CSMD1: variants seen among roughly 807,000 people sequenced by gnomAD.
The protein encoded by CSMD1 is CUB and Sushi multiple domains 1.
A neutral mutation model predicts 417.5 loss-of-function variants in CSMD1; 213 were observed. That is an observed-to-expected ratio of 0.51 (90% confidence interval 0.46 to 0.57). CSMD1 has a LOEUF of 0.57. Ranked by LOEUF, CSMD1 falls within the 20% of genes least tolerant of loss-of-function variation. CSMD1 has a pLI of 0.00. For missense variants in CSMD1, 6,923 were observed against 4,529.7 expected, an observed-to-expected ratio of 1.53 and a Z score of -15.17; for synonymous variants, 2,862 against 1,736.8, an observed-to-expected ratio of 1.65 and a Z score of -16.11.
intron 25 of CSMD1, among the ~76,000 whole-genome samples, chr8:3,296,620 G>T (rs984959530): frequency 6.6e-6 from 1 of 152,126 alleles, no homozygotes; most frequent in Non-Finnish European, 1.5e-5. Context: ...CAAGAAAGTG[G>T]CGTATGTGCT....
chr8:3,626,267 CCTT>C (rs1221435422), intron 7 of CSMD1, among the ~76,000 whole-genome samples: 1 of 152,172 alleles, frequency 6.6e-6, no homozygotes, highest in African/African-American at 2.4e-5. Context: ...GCTCTAGTCT[CCTT>C]CTGCACATTT....
chr8:4,349,966 G>A (rs763793678), intron 3 of CSMD1, among the ~76,000 whole-genome samples: 1 of 152,116 alleles, frequency 6.6e-6, no homozygotes, highest in Non-Finnish European at 1.5e-5. Context: ...GTATGCTGTA[G>A]ACTTAAGGGA....
intron 1 of CSMD1, among the ~76,000 whole-genome samples, chr8:4,841,366 T>G (rs75547086): frequency 0.015 from 2,219 of 152,314 alleles, 55 homozygotes; most frequent in African/African-American, 0.05. Flanking sequence ...TTGGAACCAC[T>G]GAGCTTCTTG....
At chr8:3,762,626 G>C (rs960016484) in intron 5 of CSMD1, among the ~76,000 whole-genome samples, 3 of 152,294 alleles carry the variant, frequency 2.0e-5, no homozygotes, top group Non-Finnish European at 2.9e-5. Flanking sequence ...AGCCGCTCTT[G>C]TCTGTGGAAG....
intron 3 of CSMD1, among the ~76,000 whole-genome samples, chr8:4,163,547 G>C (rs1797286478): frequency 6.6e-6 from 1 of 152,162 alleles, no homozygotes; most frequent in African/African-American, 2.4e-5. Context: ...TAAAGCTACA[G>C]CATCATTTGG....
At chr8:3,818,204 C>T (rs1801505311) in intron 5 of CSMD1, among the ~76,000 whole-genome samples, 1 of 152,018 alleles carries the variant, frequency 6.6e-6, no homozygotes, top group African/African-American at 2.4e-5. Flanking sequence ...GCTGCTCCTC[C>T]ATGAAAACGC....
chr8:3,680,710 C>G (rs1016918486), intron 7 of CSMD1, among the ~76,000 whole-genome samples: 3 of 152,164 alleles, frequency 2.0e-5, no homozygotes, highest in Non-Finnish European at 4.4e-5. Flanking sequence ...CATCCTGATA[C>G]CAAAGCCGGG....
chr8:3,796,558 G>T (rs1385399278), intron 5 of CSMD1, among the ~76,000 whole-genome samples: 3 of 142,798 alleles, frequency 2.1e-5, no homozygotes, highest in Non-Finnish European at 4.6e-5. Context: ...ATACATGATA[G>T]ATATATATCT....
chr8:4,307,356 G>T (rs1004169049), intron 3 of CSMD1, among the ~76,000 whole-genome samples: 1 of 152,078 alleles, frequency 6.6e-6, no homozygotes, highest in African/African-American at 2.4e-5. Context: ...CAGAGCAATG[G>T]GAGAGGTGGT....
intron 1 of CSMD1, among the ~76,000 whole-genome samples, chr8:4,919,956 T>A (rs568817320): frequency 2.0e-5 from 3 of 152,184 alleles, no homozygotes; most frequent in Non-Finnish European, 2.9e-5. Context: ...GCCAATGCCT[T>A]GATCTTGGAC....
chr8:3,784,843 C>T (rs1027733830), intron 5 of CSMD1, among the ~76,000 whole-genome samples: 1 of 152,172 alleles, frequency 6.6e-6, no homozygotes, highest in African/African-American at 2.4e-5. Flanking sequence ...TTCAACTCAT[C>T]CAATGAAATC....
chr8:3,386,542 A>C (rs1186876853), intron 18 of CSMD1, among the ~76,000 whole-genome samples: 2 of 152,168 alleles, frequency 1.3e-5, no homozygotes, highest in East Asian at 1.9e-4. Context: ...GTTAAGCAGA[A>C]TTTTTCCATA....
intron 1 of CSMD1, among the ~76,000 whole-genome samples, chr8:4,639,120 C>G (rs1803036147): frequency 6.6e-6 from 1 of 152,170 alleles, no homozygotes; most frequent in Non-Finnish European, 1.5e-5. Context: ...TTCATTTCCG[C>G]TACTCCTGAT....
At chr8:3,347,908 T>C (rs1563296294) in intron 22 of CSMD1, 84 bp downstream of exon 22, 1 of 850,946 alleles carries the variant, frequency 1.2e-6, no homozygotes, top group South Asian at 2.0e-5. Flanking sequence ...TATGTGCATA[T>C]ATCTATATGT....
At chr8:4,483,145 G>C (rs969698438) in intron 2 of CSMD1, among the ~76,000 whole-genome samples, 1 of 152,132 alleles carries the variant, frequency 6.6e-6, no homozygotes, top group East Asian at 1.9e-4. Flanking sequence ...AGTCTCATGA[G>C]ATCCGATGGT....
chr8:4,140,062 T>C lies in CSMD1; in HGVS notation c.416-107963A>G, dbSNP rs562637547. Reference sequence around the variant, plus strand: ...AGAAGACACATTTGATTATTAAAAATAAGACAATAGCCAGGTACAGTTACT... The same window carrying C: ...AGAAGACACATTTGATTATTAAAAACAAGACAATAGCCAGGTACAGTTACT... On this transcript the variant is annotated intron_variant, in intron 3 of 69. Transcript: ENST00000635120. Among the ~76,000 whole-genome samples, 86 of 150,952 alleles carry C rather than the reference T, an allele frequency of 5.7e-4. 5 individuals are homozygous for C. Among genetic ancestry groups the C allele is most frequent in the African/African-American group, 2.0e-3 (81 of 40,366 alleles).
At chr8:3,685,883 CATTT>C (rs1473002747) in intron 7 of CSMD1, among the ~76,000 whole-genome samples, 3 of 152,140 alleles carry the variant, frequency 2.0e-5, no homozygotes, top group Non-Finnish European at 4.4e-5. Flanking sequence ...TCCCATCAAA[CATTT>C]ATTGTTCGTG....
chr8:4,420,428 A>C (rs913606433), intron 2 of CSMD1, among the ~76,000 whole-genome samples: 1 of 152,104 alleles, frequency 6.6e-6, no homozygotes, highest in Admixed American at 6.6e-5. Flanking sequence ...CAGGTTTATT[A>C]GGTAGGTGAA....
At chr8:4,462,540 A>G (rs1443213944) in intron 2 of CSMD1, among the ~76,000 whole-genome samples, 1 of 152,136 alleles carries the variant, frequency 6.6e-6, no homozygotes, top group African/African-American at 2.4e-5. Context: ...TACTCAAAAC[A>G]ATCTTTAAAA....
Sources: gnomAD v4.1 joint callset for allele counts (sites outside exome capture counted in the v4.1 genomes callset) on GRCh38, gnomAD v4.1.1 for gene constraint, MANE v1.5 for transcripts, NCBI Gene and HGNC (gene_info 2026-07-23, HGNC 2026-07-21) for gene names.